Variants in ARPC3 observed in about 807,000 individuals in gnomAD.
ARPC3 encodes the protein actin-related protein 2/3 complex subunit 3.
A neutral mutation model predicts 27.6 loss-of-function variants in ARPC3; 12 were observed. The ratio of observed to expected loss-of-function variants is 0.43; its 90% confidence interval spans 0.28 to 0.70. ARPC3 has a LOEUF of 0.70. ARPC3 is among the 30% of genes least tolerant of loss of function. The probability of loss-of-function intolerance (pLI) is 0.17; values close to 1 mark genes in which losing one functional copy is unlikely to be tolerated. For missense variants in ARPC3, 153 were observed against 207.7 expected (o/e 0.74, Z 1.62); for synonymous variants, 53 against 67.2 (o/e 0.79, Z 1.03).
chr12:110,445,388 G>T, intron 2 of ARPC3, 64 bp downstream of exon 2: 1 of 1,269,660 alleles, frequency 7.9e-7, no homozygotes. Context: ...TTTCTGATTT[G>T]ATCATTTCAG....
intron 1 of ARPC3, among the ~76,000 whole-genome samples, chr12:110,447,704 C>A (rs1250548059): frequency 2.0e-5 from 3 of 151,992 alleles, no homozygotes; most frequent in Non-Finnish European, 2.9e-5. Context: ...ACCCAGGAGG[C>A]AGAGGTTGCA....
At chr12:110,448,728 C>T (rs898635098) in intron 1 of ARPC3, among the ~76,000 whole-genome samples, 2 of 149,230 alleles carry the variant, frequency 1.3e-5, no homozygotes, top group Non-Finnish European at 3.0e-5. Context: ...AAGCAGCCTC[C>T]GCCTTCCCTC....
chr12:110,442,901 G>A (rs935413142), intron 2 of ARPC3: 2 of 152,088 alleles, frequency 1.3e-5, no homozygotes, highest in Non-Finnish European at 2.9e-5. Context: ...TTTTAAAAAG[G>A]TCAAAATCCC....
chr12:110,435,322 C>CTTT (rs372540827), intron 6 of ARPC3, 105 bp from the exon 7 acceptor site: 332 of 680,506 alleles, frequency 4.9e-4, no homozygotes, highest in Admixed American at 2.8e-3. Context: ...CTCTTATAAA[C>CTTT]TTTTTTTTTT....
intron 2 of ARPC3, chr12:110,440,594 T>A: frequency 2.1e-6 from 1 of 472,430 alleles, no homozygotes; most frequent in Non-Finnish European, 3.9e-6. Context: ...TCACCCAGGC[T>A]GGAGTGCAGT....
intron 1 of ARPC3, among the ~76,000 whole-genome samples, chr12:110,447,886 CTTTTT>C (rs796202139): frequency 4.7e-5 from 5 of 107,168 alleles, no homozygotes; most frequent in African/African-American, 1.4e-4. Flanking sequence ...ATTTAGAGTC[CTTTTT>C]TTTTTTTTTT....
At chr12:110,435,654 C>T (rs567562810) in intron 6 of ARPC3, among the ~76,000 whole-genome samples, 1 of 151,840 alleles carries the variant, frequency 6.6e-6, no homozygotes, top group South Asian at 2.1e-4. Flanking sequence ...GACAAAGTCT[C>T]ACTCTGTCAT....
At chr12:110,436,864 A>G in intron 4 of ARPC3, 181 bp from the exon 5 acceptor site, 1 of 670,006 alleles carries the variant, frequency 1.5e-6, no homozygotes, top group East Asian at 2.7e-5. Flanking sequence ...GAGAAAATAT[A>G]TTCAAAGCCT....
At chr12:110,443,850 G>T (rs1429008683) in intron 2 of ARPC3, among the ~76,000 whole-genome samples, 1 of 152,174 alleles carries the variant, frequency 6.6e-6, no homozygotes, top group East Asian at 1.9e-4. Context: ...AAAGGATTCT[G>T]AAATTAGAAG....
In ARPC3 at chr12:110,448,922, C is replaced by T. The variant is rs940047048; in HGVS notation, c.6+1333G>A. ...TCCCAAGTAGCTGGGATTACAGGCA[C>T]GCACCACCACGCCTGGCTAATTTTT... On this transcript the variant is annotated intron_variant, in intron 1 of 6. Coordinates refer to ENST00000228825, the MANE Select transcript of ARPC3 (RefSeq NM_001278556.2). Among the ~76,000 whole-genome samples the T allele has an allele frequency of 1.6e-4, 24 of 151,760 alleles. No homozygotes were observed. The South Asian group carries it at 3.1e-3, about 20-fold the overall frequency.
At chr12:110,435,560 G>A (rs537673751) in intron 6 of ARPC3, among the ~76,000 whole-genome samples, 56 of 152,084 alleles carry the variant, frequency 3.7e-4, no homozygotes, top group Non-Finnish European at 7.2e-4. Flanking sequence ...TCAATCTCCT[G>A]ACCTCATGAT....
At chr12:110,437,257 G>T in intron 3 of ARPC3, 105 bp from the exon 4 acceptor site, 2 of 799,470 alleles carry the variant, frequency 2.5e-6, no homozygotes, top group Non-Finnish European at 4.4e-6. Context: ...GAATGCAGTG[G>T]TAGGACAGCC....
At chr12:110,446,860 G>C (rs2062467349) in intron 1 of ARPC3, among the ~76,000 whole-genome samples, 1 of 145,740 alleles carries the variant, frequency 6.9e-6, no homozygotes, top group African/African-American at 2.6e-5. Flanking sequence ...ACCCGCCCCG[G>C]CCTCCCAAAG....
chr12:110,445,008 A>C, intron 2 of ARPC3: 1 of 221,224 alleles, frequency 4.5e-6, no homozygotes, highest in Non-Finnish European at 9.1e-6. Context: ...GTTACATAGT[A>C]CACTTCAGAT....
At chr12:110,446,058 G>A (rs927312446) in intron 1 of ARPC3, among the ~76,000 whole-genome samples, 1 of 150,922 alleles carries the variant, frequency 6.6e-6, no homozygotes, top group Non-Finnish European at 1.5e-5. Flanking sequence ...AGCCGAGATC[G>A]TGCCACTGCA....
intron 1 of ARPC3, among the ~76,000 whole-genome samples, chr12:110,447,030 T>C (rs1486585695): frequency 2.0e-5 from 3 of 152,232 alleles, no homozygotes; most frequent in African/African-American, 4.8e-5. Flanking sequence ...TGACATCACA[T>C]TGGTATCTGG....
intron 6 of ARPC3, among the ~76,000 whole-genome samples, chr12:110,435,820 T>G (rs2062400619): frequency 6.6e-6 from 1 of 151,708 alleles, no homozygotes; most frequent in Non-Finnish European, 1.5e-5. Flanking sequence ...AGATGGGGGT[T>G]TCACCATGTT....
intron 6 of ARPC3, 25 bp from the exon 7 acceptor site, chr12:110,435,242 T>G (rs1205838343): frequency 1.9e-6 from 3 of 1,566,782 alleles, no homozygotes; most frequent in Non-Finnish European, 2.6e-6. Context: ...CAACACAGAA[T>G]GAACAGCGGG....
intron 2 of ARPC3, chr12:110,442,710 T>G (rs2062444728): frequency 6.6e-6 from 1 of 152,102 alleles, no homozygotes; most frequent in Non-Finnish European, 1.5e-5. Flanking sequence ...AAAACTCAAT[T>G]ATTTAGAACA....
Sources: gnomAD v4.1 joint callset for allele counts (sites outside exome capture counted in the v4.1 genomes callset) on GRCh38, gnomAD v4.1.1 for gene constraint, MANE v1.5 for transcripts, NCBI Gene and HGNC (gene_info 2026-07-23, HGNC 2026-07-21) for gene names.